The following BRD3 variants were observed in gnomAD, a reference collection of about 807,000 sequenced individuals.
The protein encoded by BRD3 is bromodomain-containing protein 3.
A neutral mutation model predicts 66.8 loss-of-function variants in BRD3; 17 were observed. That is an observed-to-expected ratio of 0.25 (90% CI 0.17 to 0.38). BRD3 has a LOEUF of 0.38. Among genes scored for constraint, BRD3 ranks in the 10% least tolerant of loss-of-function variants. The pLI is 1.00. For synonymous variants in BRD3, 421 were observed against 393.2 expected, an observed-to-expected ratio of 1.07 and a Z score of -0.84; for missense variants, 713 against 956.1, an observed-to-expected ratio of 0.75 and a Z score of 3.35.
At position 134,034,804 on chromosome 9, in the gene BRD3, G is replaced by T; in HGVS notation, c.1962C>A (p.Ala654=). ...CCTGAGCTAGCTCCTCTTTCGACTT[G>T]GCTGCCTGTTTCTTCCCGCTTGCTG... is the stretch of plus-strand genomic sequence containing the variant. ...PFSASGKKQA[A]KSKEELAQEK... Residue 654 remains alanine (A), a synonymous_variant, in exon 11 of 12, where the codon GCC becomes GCA. Coordinates refer to ENST00000303407, the MANE Select transcript of BRD3 (RefSeq NM_007371.4). The T allele has an allele frequency of 6.2e-7, 1 of 1,612,308 alleles. No homozygotes were observed.
At chr9:134,034,930 A>T (rs1843577129) in intron 10 of BRD3, 101 bp from the exon 11 acceptor site, 1 of 1,534,450 alleles carries the variant, frequency 6.5e-7, no homozygotes, top group Non-Finnish European at 8.8e-7. Flanking sequence ...GCACACTGGC[A>T]TCCATGCCAG....
At chr9:134,063,367 G>A (rs1830584361) in intron 1 of BRD3, among the ~76,000 whole-genome samples, 1 of 152,214 alleles carries the variant, frequency 6.6e-6, no homozygotes, top group African/African-American at 2.4e-5. Context: ...GCATACCCAG[G>A]GCTCTGTCCT....
rs1843551159 is a variant in BRD3, at chr9:134,033,682, C to T, written c.2089G>A (p.Gly697Arg). ...CTGCTGCTGAGCCTGGACGGGCCCC[C>T]TGAGGGTGCTGAGCCGGGCTTCTCT... The part of the protein sequence containing the change: ...RKEKPGSAPS[G>R]GPSRLSSSSS... The change falls in exon 12 of 12, where the codon GGG (glycine) becomes AGG (arginine). Residue 697 changes from glycine (G) to arginine (R), a missense_variant. By Grantham distance (125) the Gly-to-Arg change is moderately radical. Coordinates refer to ENST00000303407, the MANE Select transcript of BRD3 (RefSeq NM_007371.4). The surrounding 1 kb of genome is among the most constrained non-coding windows in gnomAD (Gnocchi z 5.1). 2.6e-6 allele frequency: 2 copies of T among 755,268 alleles called. No homozygotes were observed. Among genetic ancestry groups the T allele is most frequent in the East Asian group, 4.9e-5 (2 of 40,570 alleles). The allele number at this position is 755,268 out of a possible 1,614,324, so 46.8% of individuals were successfully genotyped here.
At chr9:134,037,756 C>T (rs1250137636) in intron 9 of BRD3, among the ~76,000 whole-genome samples, 2 of 151,396 alleles carry the variant, frequency 1.3e-5, no homozygotes, top group African/African-American at 4.9e-5. Flanking sequence ...TTTGAAAGAT[C>T]AATAAAATTG....
At chr9:134,040,558 C>CT (rs1387583146) in intron 8 of BRD3, among the ~76,000 whole-genome samples, 1 of 152,138 alleles carries the variant, frequency 6.6e-6, no homozygotes, top group African/African-American at 2.4e-5. Context: ...GGGCAGCTAA[C>CT]TTTTTAAAAA....
At chr9:134,059,733 C>T (rs1344960218) in intron 1 of BRD3, among the ~76,000 whole-genome samples, 1 of 152,218 alleles carries the variant, frequency 6.6e-6, no homozygotes, top group Non-Finnish European at 1.5e-5. Context: ...CATTTCACCA[C>T]TCAGCCCTCC....
chr9:134,061,619 G>C (rs1389687262), intron 1 of BRD3, among the ~76,000 whole-genome samples: 1 of 152,204 alleles, frequency 6.6e-6, no homozygotes, highest in Non-Finnish European at 1.5e-5. Flanking sequence ...GTCCCTGACT[G>C]GATGGCCCCC....
chr9:134,052,753 A>G (rs1046754589), intron 2 of BRD3, among the ~76,000 whole-genome samples: 2 of 152,228 alleles, frequency 1.3e-5, no homozygotes, highest in African/African-American at 4.8e-5. Flanking sequence ...GCAGGTGACC[A>G]GGGCCCAGCA....
chr9:134,036,865 G>T (rs1829928943), intron 9 of BRD3, among the ~76,000 whole-genome samples: 1 of 152,070 alleles, frequency 6.6e-6, no homozygotes. Context: ...CAAAAAATTA[G>T]CCGGGCGTGG....
chr9:134,034,650 G>A lies in BRD3; in HGVS notation c.2065+51C>T, dbSNP rs1354853789. ...GCTCGATGCTCAAACCCCTACTGCT[G>A]ACACCCCCCACCCCCCTAAAGAGGG... On this transcript the variant is annotated intron_variant, in intron 11 of 11. Coordinates refer to ENST00000303407, the MANE Select transcript of BRD3 (RefSeq NM_007371.4). 4 of 1,595,986 alleles carry A rather than the reference G, an allele frequency of 2.5e-6. No individual in the cohort carries two copies. The Admixed American group carries it at 6.7e-5, about 27-fold the overall frequency.
chr9:134,046,815 C>T (rs1416447702), intron 6 of BRD3, among the ~76,000 whole-genome samples: 2 of 152,210 alleles, frequency 1.3e-5, no homozygotes, highest in African/African-American at 4.8e-5. Context: ...CAAAGCAGAT[C>T]ATGACTTTAA....
chr9:134,051,845 ATATGTG>A, intron 3 of BRD3, 136 bp from the exon 4 acceptor site: 4 of 725,498 alleles, frequency 5.5e-6, no homozygotes, highest in Non-Finnish European at 6.2e-6. Context: ...CAAAATGAAT[ATATGTG>A]TGTGTGTGTG....
chr9:134,052,164 A>C, intron 3 of BRD3, 142 bp downstream of exon 3: 1 of 1,061,144 alleles, frequency 9.4e-7, no homozygotes, highest in Non-Finnish European at 1.3e-6. Flanking sequence ...AAGTGCTGGG[A>C]TTACAGGTGT....
Position 134,036,276 on chromosome 9 carries a change from CT to C in BRD3, c.1691del (p.Glu564GlyfsTer9). On this transcript the variant is annotated frameshift_variant, in exon 10 of 12. Transcript: ENST00000303407. LOFTEE classifies it high-confidence loss of function. Reference protein sequence around the residue: ...GKQASASYDSEEEEEGLPMSY... With the variant: ...GKQASASYDSXEEEEGLPMSY... ...TCATGGGCAGGCCCTCCTCCTCTTC[CT>C]CTGAGTCGTAGGAGGCAGATGCCTG... 1 of 1,613,514 alleles carries C rather than the reference CT, an allele frequency of 6.2e-7. No individual in the cohort carries two copies. The highest frequency in any genetic ancestry group is 8.5e-7 in the Non-Finnish European group (1 of 1,179,712).
At chr9:134,035,588 A>G (rs748899385) in intron 10 of BRD3, among the ~76,000 whole-genome samples, 17 of 152,284 alleles carry the variant, frequency 1.1e-4, no homozygotes, top group Admixed American at 3.9e-4. Context: ...TGTCCTTGTT[A>G]TAAGACAAGC....
chr9:134,062,392 G>A (rs1360636299), intron 1 of BRD3, among the ~76,000 whole-genome samples: 1 of 152,088 alleles, frequency 6.6e-6, no homozygotes, highest in Non-Finnish European at 1.5e-5. Flanking sequence ...TGCCTCTCCC[G>A]TGACTGTCCC....
rs1180454474 is a variant in BRD3 at position 134,032,290 on chromosome 9, A to G, written c.*1300T>C. 9.1e-6 allele frequency: 2 copies of G among 219,834 alleles called. No individual in the cohort carries two copies. The highest frequency in any genetic ancestry group is 5.8e-5 in the Admixed American group (1 of 17,310). The allele number at this position is 219,834 out of a possible 1,614,324, so 13.6% of individuals were successfully genotyped here. A position where few individuals can be genotyped will look rare whatever the true frequency, so the allele number is the denominator to read the frequency against. On this transcript the variant is annotated 3_prime_UTR_variant, in exon 12 of 12. Coordinates refer to ENST00000303407, the MANE Select transcript of BRD3 (RefSeq NM_007371.4). ...TTTTTTCTCTCAGATTACAAAGTTTATATTATATAACTGGGGTTCCCTAAA... is the reference window on the plus strand; with the variant it reads ...TTTTTTCTCTCAGATTACAAAGTTTGTATTATATAACTGGGGTTCCCTAAA...
At chr9:134,035,653 G>A (rs956253232) in intron 10 of BRD3, among the ~76,000 whole-genome samples, 2 of 152,258 alleles carry the variant, frequency 1.3e-5, no homozygotes, top group African/African-American at 4.8e-5. Flanking sequence ...GCCCCAAATG[G>A]AGGGGAGCCT....
At chr9:134,043,334 C>G (rs1188675814) in intron 7 of BRD3, among the ~76,000 whole-genome samples, 3 of 152,248 alleles carry the variant, frequency 2.0e-5, no homozygotes, top group Non-Finnish European at 4.4e-5. Context: ...TCACCCCTCT[C>G]AGCAAACATC....
Sources: gnomAD v4.1 joint callset for allele counts (sites outside exome capture counted in the v4.1 genomes callset) on GRCh38, gnomAD v4.1.1 for gene constraint, Gnocchi (gnomAD v3.1) non-coding constraint, MANE v1.5 for transcripts, NCBI Gene and HGNC (gene_info 2026-07-23, HGNC 2026-07-21) for gene names.